Variants in BAIAP2L2 observed in about 807,000 individuals in gnomAD.
The protein encoded by BAIAP2L2 is BAR/IMD domain-containing adapter protein 2-like 2.
In BAIAP2L2, 65 loss-of-function variants were observed where a neutral mutation model predicts 60.4. That is an observed-to-expected ratio of 1.08 (90% CI 0.88 to 1.32). BAIAP2L2 has a LOEUF of 1.32. BAIAP2L2 is among the 40% of genes most tolerant of loss of function. The probability of loss-of-function intolerance (pLI) is 0.00; values close to 1 mark genes in which losing one functional copy is unlikely to be tolerated. For missense variants in BAIAP2L2, 836 were observed against 741.2 expected (o/e 1.13, Z -1.48); for synonymous variants, 344 against 301.7 (o/e 1.14, Z -1.45).
chr22:38,098,575 A>T, intron 4 of BAIAP2L2, 93 bp from the exon 5 acceptor site: 1 of 983,554 alleles, frequency 1.0e-6, no homozygotes, highest in Non-Finnish European at 1.5e-6. Context: ...CAGACTGCCC[A>T]TCGTGCTCCT....
In BAIAP2L2 at chr22:38,106,061, A is replaced by C. The variant is rs1373139721; in HGVS notation, c.276+1791T>G. 2.0e-5 allele frequency among the ~76,000 whole-genome samples: 3 copies of C among 152,176 alleles called. No individual in the cohort carries two copies. In the East Asian group the frequency reaches 5.8e-4, roughly 29 times the overall value. ...TGTGCCACAAGTGACAAGGACAGCC[A>C]TTGAACACAAGGACAGGAACCCACA... On this transcript the variant is annotated intron_variant, in intron 4 of 13. Coordinates refer to ENST00000381669, the MANE Select transcript of BAIAP2L2 (RefSeq NM_025045.6).
At chr22:38,110,410 G>A (rs2086819525) in intron 1 of BAIAP2L2, 65 bp downstream of exon 1, 3 of 1,511,522 alleles carry the variant, frequency 2.0e-6, no homozygotes, top group African/African-American at 1.4e-5. Flanking sequence ...GTCCTCCAGA[G>A]CGGGCCTGAT....
At chr22:38,097,240 C>CCACAGGCGCCA in intron 6 of BAIAP2L2, 62 bp from the exon 7 acceptor site, 1 of 1,579,380 alleles carries the variant, frequency 6.3e-7, no homozygotes, top group Non-Finnish European at 8.7e-7. Flanking sequence ...CCCCCCTCGC[C>CCACAGGCGCCA]CACAGGCGCC....
chr22:38,095,193 C>T (rs565151966), intron 7 of BAIAP2L2, among the ~76,000 whole-genome samples: 1 of 152,146 alleles, frequency 6.6e-6, no homozygotes, highest in East Asian at 1.9e-4. Flanking sequence ...ATCAGTTTAT[C>T]AAAATACAAG....
intron 4 of BAIAP2L2, among the ~76,000 whole-genome samples, chr22:38,100,408 C>T (rs547398024): frequency 6.6e-6 from 1 of 152,202 alleles, no homozygotes; most frequent in South Asian, 2.1e-4. Flanking sequence ...TGCCTGTAAT[C>T]CCAGCTACTC....
chr22:38,100,712 A>G (rs1019474149), intron 4 of BAIAP2L2, among the ~76,000 whole-genome samples: 2 of 152,156 alleles, frequency 1.3e-5, no homozygotes, highest in Non-Finnish European at 2.9e-5. Context: ...ATGCTTGTAC[A>G]GTTTGCAGAA....
chr22:38,110,033 CAG>C, intron 1 of BAIAP2L2, among the ~76,000 whole-genome samples: 1 of 52,682 alleles, frequency 1.9e-5, no homozygotes, highest in Non-Finnish European at 3.8e-5. Flanking sequence ...ATGAGAGAGA[CAG>C]AGACAGGGAG....
chr22:38,105,848 G>A (rs1468126933), intron 4 of BAIAP2L2, among the ~76,000 whole-genome samples: 1 of 152,204 alleles, frequency 6.6e-6, no homozygotes, highest in Non-Finnish European at 1.5e-5. Flanking sequence ...CACAGTGCCT[G>A]GCACAGGGCA....
At chr22:38,093,904 G>C (rs1010673652) in intron 7 of BAIAP2L2, 1 of 456,456 alleles carries the variant, frequency 2.2e-6, no homozygotes, top group Non-Finnish European at 4.4e-6. Flanking sequence ...GATGCTCAGC[G>C]CAGCAGTGGT....
At chr22:38,105,333 T>C (rs1001941036) in intron 4 of BAIAP2L2, among the ~76,000 whole-genome samples, 1 of 120,484 alleles carries the variant, frequency 8.3e-6, no homozygotes. Context: ...CAGCCCTTTT[T>C]CTTTTCTTTT....
intron 10 of BAIAP2L2, among the ~76,000 whole-genome samples, chr22:38,088,030 G>A (rs956033004): frequency 6.6e-6 from 1 of 152,182 alleles, no homozygotes; most frequent in African/African-American, 2.4e-5. Context: ...GCTGGTGTGG[G>A]CAGCCACCAC....
chr22:38,110,659 A>T lies in BAIAP2L2; in HGVS notation c.-134T>A. The T allele has an allele frequency of 1.5e-6, 1 of 650,874 alleles. No homozygotes were observed. 40.3% of individuals were successfully genotyped at this position (650,874 alleles called of 1,614,324 possible). A position where few individuals can be genotyped will look rare whatever the true frequency, so the allele number is the denominator to read the frequency against. On this transcript the variant is annotated 5_prime_UTR_variant, in exon 1 of 14. Coordinates refer to ENST00000381669, the MANE Select transcript of BAIAP2L2 (RefSeq NM_025045.6). Reference sequence around the variant, plus strand: ...GGAAGCCTCGGAGAGGGACCTGGAGATGGAGGCCTGCCTCAGAGGAGTGGC... The same window carrying T: ...GGAAGCCTCGGAGAGGGACCTGGAGTTGGAGGCCTGCCTCAGAGGAGTGGC...
At chr22:38,089,320 C>T (rs544835943) in intron 8 of BAIAP2L2, 89 bp from the exon 9 acceptor site, 20 of 562,362 alleles carry the variant, frequency 3.6e-5, no homozygotes, top group African/African-American at 3.2e-4. Context: ...CAGTCCCAGG[C>T]GTCGGCGTAG....
At chr22:38,103,470 T>G (rs1409093715) in intron 4 of BAIAP2L2, among the ~76,000 whole-genome samples, 1 of 152,214 alleles carries the variant, frequency 6.6e-6, no homozygotes, top group African/African-American at 2.4e-5. Context: ...CAGGGCTTCA[T>G]GAAGAAATGG....
At position 38,089,059 on chromosome 22, in the gene BAIAP2L2, C is replaced by T. The variant is rs538835024; in HGVS notation, c.901+37G>A. 2.2e-5 allele frequency: 30 copies of T among 1,382,290 alleles called. No individual in the cohort carries two copies. In the South Asian group the frequency reaches 4.7e-4, roughly 22 times the overall value. The allele number at this position is 1,382,290 out of a possible 1,614,324, so 85.6% of individuals were successfully genotyped here. On this transcript the variant is annotated intron_variant, in intron 9 of 13. Transcript: ENST00000381669. ...GCTGCAGCCCCACCCCCGCGCCTCT[C>T]CCGGCCCTCCTGCCGCCCCGGGGCG...
In BAIAP2L2 at chr22:38,089,138, G is replaced by C. The variant is rs1374684088; in HGVS notation, c.859C>G (p.Leu287Val). Residue 287 changes from leucine to valine, a missense_variant, in exon 9 of 14, where the codon CTA becomes GTA. Leu to Val is a conservative substitution (Grantham distance 32). Coordinates refer to ENST00000381669, the MANE Select transcript of BAIAP2L2 (RefSeq NM_025045.6). ...GGCAGGGAGCGACGGTCTGGCTCTA[G>C]CTGGGACGCGGGCCTCGCGTCGGGC... is the stretch of plus-strand genomic sequence containing the variant. ...TEPDARPASQ[L>V]EPDRRSLPRT... The C allele has an allele frequency of 2.2e-6, 3 of 1,351,118 alleles. No homozygotes were observed. Among genetic ancestry groups the C allele is most frequent in the Non-Finnish European group, 2.8e-6 (3 of 1,056,782 alleles). 83.7% of individuals were successfully genotyped at this position (1,351,118 alleles called of 1,614,324 possible).
intron 4 of BAIAP2L2, among the ~76,000 whole-genome samples, chr22:38,099,817 C>T (rs1489831205): frequency 2.6e-5 from 4 of 152,240 alleles, no homozygotes; most frequent in African/African-American, 9.6e-5. Context: ...CCTTTTCCCA[C>T]AGTGGGTCCT....
chr22:38,103,484 AT>A (rs1189490092), intron 4 of BAIAP2L2, among the ~76,000 whole-genome samples: 1 of 152,214 alleles, frequency 6.6e-6, no homozygotes, highest in Non-Finnish European at 1.5e-5. Flanking sequence ...GAAATGGCTC[AT>A]TCCATGTCTC....
At chr22:38,085,470 C>T in intron 13 of BAIAP2L2, 95 bp from the exon 14 acceptor site, 2 of 1,389,518 alleles carry the variant, frequency 1.4e-6, no homozygotes, top group Non-Finnish European at 2.0e-6. Flanking sequence ...CTGGGTCCTG[C>T]CTCCTGCCCC....
Sources: allele counts gnomAD v4.1 joint callset (sites outside exome capture counted in the v4.1 genomes callset), GRCh38; gene constraint gnomAD v4.1.1; transcripts MANE v1.5; gene names NCBI Gene and HGNC (gene_info 2026-07-23, HGNC 2026-07-21).